Variants in RBFOX1 observed in about 807,000 individuals in gnomAD.
RBFOX1 encodes RNA binding fox-1 homolog 1.
RBFOX1 carries 8 observed loss-of-function variants against 57.7 expected under a neutral mutation model. The ratio of observed to expected loss-of-function variants is 0.14; its 90% CI spans 0.08 to 0.25. The LOEUF (loss-of-function observed/expected upper bound fraction) is 0.25, where lower values mean the gene tolerates loss of function less well. Ranked by LOEUF, RBFOX1 falls within the 10% of genes least tolerant of loss-of-function variation. The pLI is 1.00. For synonymous variants in RBFOX1, 326 were observed against 222.4 expected, an observed-to-expected ratio of 1.47 and a Z score of -4.15; for missense variants, 611 against 548.5, an observed-to-expected ratio of 1.11 and a Z score of -1.14.
chr16:6,959,034 A>G (rs1319994379), intron 3 of RBFOX1, among the ~76,000 whole-genome samples: 1 of 152,192 alleles, frequency 6.6e-6, no homozygotes, highest in African/African-American at 2.4e-5. Flanking sequence ...GTCATTTTTC[A>G]GAATAAAACT....
chr16:6,950,101 T>C (rs2080394490), intron 3 of RBFOX1, among the ~76,000 whole-genome samples: 1 of 146,572 alleles, frequency 6.8e-6, no homozygotes, highest in Non-Finnish European at 1.5e-5. Flanking sequence ...CATGCGCCAC[T>C]ACGCAGAGGT....
chr16:7,360,412 G>A (rs775567027), intron 4 of RBFOX1, among the ~76,000 whole-genome samples: 22 of 152,176 alleles, frequency 1.4e-4, no homozygotes, highest in Non-Finnish European at 2.8e-4. Flanking sequence ...GTGCCTGTAT[G>A]TATGATGTGG....
chr16:6,478,429 A>ATATATATTTTTTTT (rs1159954387), intron 2 of RBFOX1, among the ~76,000 whole-genome samples: 3 of 24,628 alleles, frequency 1.2e-4, no homozygotes, highest in African/African-American at 1.3e-4. Flanking sequence ...ATATATATAT[A>ATATATATTTTTTTT]TTTTTTTTTT....
intron 4 of RBFOX1, among the ~76,000 whole-genome samples, chr16:7,485,765 C>T (rs1032328392): frequency 6.6e-6 from 1 of 152,224 alleles, no homozygotes. Context: ...TCTCTCATGT[C>T]TGAATATTAC....
intron 4 of RBFOX1, among the ~76,000 whole-genome samples, chr16:7,513,892 G>T (rs1046049508): frequency 1.3e-5 from 2 of 152,178 alleles, no homozygotes; most frequent in African/African-American, 4.8e-5. Flanking sequence ...TTCCCCAAAA[G>T]ATTCTGACCC....
chr16:5,794,182 C>G (rs556711103), intron 3 of RBFOX1, among the ~76,000 whole-genome samples: 1 of 152,280 alleles, frequency 6.6e-6, no homozygotes, highest in South Asian at 2.1e-4. Context: ...ATCTCTAAGT[C>G]ATGGGGTTAT....
chr16:6,282,696 T>A (rs2076518977), intron 1 of RBFOX1, among the ~76,000 whole-genome samples: 1 of 152,120 alleles, frequency 6.6e-6, no homozygotes, highest in East Asian at 1.9e-4. Context: ...TTCATCCATG[T>A]CCCTCCAAAG....
intron 2 of RBFOX1, among the ~76,000 whole-genome samples, chr16:6,400,442 CAG>C (rs1289635605): frequency 6.6e-6 from 1 of 152,154 alleles, no homozygotes; most frequent in Non-Finnish European, 1.5e-5. Flanking sequence ...GGCTAAAAAA[CAG>C]AGTGAATGTA....
chr16:6,125,064 C>G (rs1017420832), intron 1 of RBFOX1, among the ~76,000 whole-genome samples: 8 of 152,238 alleles, frequency 5.3e-5, no homozygotes, highest in African/African-American at 1.9e-4. Flanking sequence ...AAGTGATCCC[C>G]TCCTCAGAGT....
chr16:6,972,133 T>G (rs1598767079), intron 3 of RBFOX1, among the ~76,000 whole-genome samples: 1 of 152,306 alleles, frequency 6.6e-6, no homozygotes, highest in East Asian at 1.9e-4. Flanking sequence ...ATCTTAACCA[T>G]TTGTAAGAAT....
chr16:7,223,947 C>T (rs1313299118), intron 4 of RBFOX1, among the ~76,000 whole-genome samples: 1 of 151,764 alleles, frequency 6.6e-6, no homozygotes, highest in Non-Finnish European at 1.5e-5. Context: ...AGGATAGGCA[C>T]ACCTCATTGT....
chr16:5,609,096 C>T (rs1212753189), intron 3 of RBFOX1, among the ~76,000 whole-genome samples: 1 of 152,098 alleles, frequency 6.6e-6, no homozygotes, highest in Non-Finnish European at 1.5e-5. Flanking sequence ...GTTCAATATT[C>T]TCAGTAATGA....
At chr16:6,655,445 A>C (rs914073403) in intron 3 of RBFOX1, among the ~76,000 whole-genome samples, 2 of 150,698 alleles carry the variant, frequency 1.3e-5, no homozygotes, top group Non-Finnish European at 2.9e-5. Flanking sequence ...CAACACATTC[A>C]TATGAGCAAC....
chr16:5,673,959 G>A (rs1381088862), intron 3 of RBFOX1, among the ~76,000 whole-genome samples: 1 of 152,246 alleles, frequency 6.6e-6, no homozygotes, highest in African/African-American at 2.4e-5. Flanking sequence ...CATGGGTCTT[G>A]ATGCATCCAG....
intron 2 of RBFOX1, among the ~76,000 whole-genome samples, chr16:6,404,222 G>A (rs1243007085): frequency 2.0e-5 from 3 of 152,116 alleles, no homozygotes; most frequent in East Asian, 1.9e-4. Context: ...TATTTGCATA[G>A]CATTTGCATT....
chr16:7,534,540 G>T (rs1297001040), intron 5 of RBFOX1, among the ~76,000 whole-genome samples: 4 of 152,162 alleles, frequency 2.6e-5, no homozygotes, highest in African/African-American at 9.7e-5. Context: ...CTGATCCCAG[G>T]AAGAGCCCCT....
intron 3 of RBFOX1, among the ~76,000 whole-genome samples, chr16:5,689,846 A>G (rs1377293022): frequency 1.3e-5 from 2 of 152,080 alleles, no homozygotes; most frequent in South Asian, 4.1e-4. Context: ...TAAGTTATGT[A>G]TTATGGTAAT....
intron 2 of RBFOX1, among the ~76,000 whole-genome samples, chr16:5,586,639 G>A (rs61366116): frequency 0.052 from 7,932 of 152,232 alleles, 698 homozygotes; most frequent in African/African-American, 0.18. Context: ...TGGGGCTACA[G>A]GCATGTGCTA....
At chr16:5,458,987 C>G (rs1270247636) in intron 1 of RBFOX1, among the ~76,000 whole-genome samples, 1 of 152,214 alleles carries the variant, frequency 6.6e-6, no homozygotes, top group East Asian at 1.9e-4. Context: ...GCTTCCATCT[C>G]TGTACCACTC....
Sources: gnomAD v4.1 joint callset for allele counts (sites outside exome capture counted in the v4.1 genomes callset) on GRCh38, gnomAD v4.1.1 for gene constraint, MANE v1.5 for transcripts, NCBI Gene and HGNC (gene_info 2026-07-23, HGNC 2026-07-21) for gene names.